The following AKT2 variants were observed in gnomAD, a reference collection of about 807,000 sequenced individuals.
AKT2 encodes AKT serine/threonine kinase 2.
Under a neutral mutation model 58.6 loss-of-function variants are expected in AKT2, and 16 were observed. That is an observed-to-expected ratio of 0.27 (90% CI 0.18 to 0.41). AKT2 has a LOEUF of 0.41. AKT2 is among the 10% of genes least tolerant of loss of function. The pLI is 1.00. For synonymous variants in AKT2, 253 were observed against 254.0 expected (o/e 1.00, Z 0.04); for missense variants, 438 against 661.0 (o/e 0.66, Z 3.70).
At position 40,234,373 on chromosome 19, in the gene AKT2, C is replaced by T. The variant is rs1270570226; in HGVS notation, c.1367-422G>A. 1.7e-5 allele frequency: 4 copies of T among 230,140 alleles called. No homozygotes were observed. The highest frequency in any genetic ancestry group is 2.1e-4 in the South Asian group (2 of 9,636). The allele number at this position is 230,140 out of a possible 1,614,324, so 14.3% of individuals were successfully genotyped here. On this transcript the variant is annotated intron_variant, in intron 13 of 13. Transcript: ENST00000392038. The surrounding 1 kb of genome is among the most constrained non-coding windows in gnomAD (Gnocchi z 4.7). ...ATGAAACCCTTCCATGGCTGGCTCC[C>T]GCCATGCAAGCAGTCCCCACCCCTC...
rs369728131 is a variant in AKT2, at chr19:40,284,941, C to A, written c.-85+240G>T. The A allele has an allele frequency of 2.7e-5, 9 of 336,080 alleles. 1 individual carries two copies. Among genetic ancestry groups the A allele is most frequent in the African/African-American group, 1.9e-4 (9 of 46,796 alleles). 20.8% of individuals were successfully genotyped at this position (336,080 alleles called of 1,614,324 possible). ...ACGCTGCGGCCTGCGCTCCCCGTCC[C>A]GCAAACTTGCAGCGCTCCCCCCACC... On this transcript the variant is annotated intron_variant, in intron 1 of 13. Transcript: ENST00000392038.
At chr19:40,255,431 AG>A (rs1007054690) in intron 3 of AKT2, 162 bp from the exon 4 acceptor site, 12 of 597,058 alleles carry the variant, frequency 2.0e-5, no homozygotes, top group Admixed American at 2.0e-4. Context: ...CACAGGGCTC[AG>A]GGTCTAGTGT....
chr19:40,256,548 T>G (rs1355257564), intron 3 of AKT2, among the ~76,000 whole-genome samples: 1 of 151,942 alleles, frequency 6.6e-6, no homozygotes, highest in Non-Finnish European at 1.5e-5. Flanking sequence ...ACCAGCTGAG[T>G]GGGAAGCTGT....
chr19:40,264,602 C>G (rs1976204854), intron 2 of AKT2, among the ~76,000 whole-genome samples: 1 of 152,138 alleles, frequency 6.6e-6, no homozygotes, highest in Non-Finnish European at 1.5e-5. Context: ...CACCTGGGAG[C>G]CTCTGTCCTT....
intron 1 of AKT2, 111 bp from the exon 2 acceptor site, chr19:40,265,462 G>A: frequency 7.0e-7 from 1 of 1,421,354 alleles, no homozygotes. Flanking sequence ...CTCAGCAAAG[G>A]GTAAGGCCAG....
chr19:40,262,607 G>A (rs547001043), intron 2 of AKT2, among the ~76,000 whole-genome samples: 8 of 152,354 alleles, frequency 5.3e-5, no homozygotes, highest in South Asian at 2.1e-4. Flanking sequence ...GAGGCAGCAC[G>A]TGGGCCAGGC....
chr19:40,238,998 G>T lies in AKT2; in HGVS notation c.640-25C>A, dbSNP rs1409651533. 2.5e-6 allele frequency: 4 copies of T among 1,611,502 alleles called. No homozygotes were observed. The highest frequency in any genetic ancestry group is 3.4e-6 in the Non-Finnish European group (4 of 1,178,006). ...CCTGGGGGATGAAGGCAGCAGGGTG[G>T]GAGGTGGGAGGGAGGAGGGCTCTGC... On this transcript the variant is annotated intron_variant, in intron 7 of 13. Coordinates refer to ENST00000392038, the MANE Select transcript of AKT2 (RefSeq NM_001626.6). This position sits in a 1 kb window ranked among gnomAD's most constrained non-coding sequence, Gnocchi z 5.1.
rs1315192339 is a variant in AKT2, at chr19:40,234,827, C to G, written c.1366+218G>C. ...GGGCTGCCTCCTGCCCTGAGCCCCCCGACTGAGCTCCAGAACGTGCTGCAG... is the reference window on the plus strand; with the variant it reads ...GGGCTGCCTCCTGCCCTGAGCCCCCGGACTGAGCTCCAGAACGTGCTGCAG... On this transcript the variant is annotated intron_variant, in intron 13 of 13. Coordinates refer to ENST00000392038, the MANE Select transcript of AKT2 (RefSeq NM_001626.6). The surrounding 1 kb of genome is among the most constrained non-coding windows in gnomAD (Gnocchi z 4.7). The G allele has an allele frequency of 1.5e-6, 1 of 646,500 alleles. No individual in the cohort carries two copies. Among genetic ancestry groups the G allele is most frequent in the Non-Finnish European group, 2.8e-6 (1 of 357,744 alleles). 40.0% of individuals were successfully genotyped at this position (646,500 alleles called of 1,614,324 possible). A position where few individuals can be genotyped will look rare whatever the true frequency, so the allele number is the denominator to read the frequency against.
At chr19:40,281,190 T>C (rs1361947721) in intron 1 of AKT2, among the ~76,000 whole-genome samples, 4 of 152,136 alleles carry the variant, frequency 2.6e-5, no homozygotes, top group African/African-American at 4.8e-5. Context: ...CCCAGAGCTG[T>C]GAGCTGTGGT....
chr19:40,275,101 C>T (rs966697990), intron 1 of AKT2: 1 of 456,666 alleles, frequency 2.2e-6, no homozygotes, highest in Non-Finnish European at 4.4e-6. Context: ...TCGGTGAATA[C>T]CCACAGCGAG....
chr19:40,249,810 A>G (rs901302211), intron 4 of AKT2, among the ~76,000 whole-genome samples: 2 of 152,244 alleles, frequency 1.3e-5, no homozygotes, highest in African/African-American at 4.8e-5. Context: ...AGATACATAC[A>G]TAAATATAAA....
At chr19:40,256,104 C>T (rs1975523215) in intron 3 of AKT2, among the ~76,000 whole-genome samples, 1 of 152,182 alleles carries the variant, frequency 6.6e-6, no homozygotes. Flanking sequence ...CTTGAAGACA[C>T]TTGGGGAGAT....
At chr19:40,265,443 TTCTGCCCAC>T in intron 1 of AKT2, 92 bp from the exon 2 acceptor site, 1 of 1,486,142 alleles carries the variant, frequency 6.7e-7, no homozygotes. Flanking sequence ...CCTCTGGCTG[TTCTGCCCAC>T]TCAGCAAAGG....
intron 1 of AKT2, among the ~76,000 whole-genome samples, chr19:40,281,487 G>C (rs1267029284): frequency 6.6e-6 from 1 of 151,772 alleles, no homozygotes; most frequent in African/African-American, 2.4e-5. Context: ...GGGAGGCCCT[G>C]TCTCAAAAGA....
rs372563017 is a variant in AKT2, at chr19:40,251,923, A to T, written c.287+3235T>A. ...ATGAAGCAGACACGGTGAATGCGGG[A>T]CTGCAGAGTCTAGGAGTGGGGCGCG... On this transcript the variant is annotated intron_variant, in intron 4 of 13. Transcript: ENST00000392038. Among the ~76,000 whole-genome samples, 16 of 152,356 alleles carry T rather than the reference A, an allele frequency of 1.1e-4. No homozygotes were observed. The South Asian group carries it at 3.1e-3, about 30-fold the overall frequency.
Position 40,235,776 on chromosome 19 carries a change from A to T in AKT2, c.1175+114T>A. ...GGACGTTTTCAGGGGCTGTGTGGGG[A>T]CGACACACTGCGACCCTACAAGCGA... On this transcript the variant is annotated intron_variant, in intron 11 of 13. Coordinates refer to ENST00000392038, the MANE Select transcript of AKT2 (RefSeq NM_001626.6). The surrounding 1 kb of genome is among the most constrained non-coding windows in gnomAD (Gnocchi z 6.3). 1.8e-6 allele frequency: 2 copies of T among 1,116,128 alleles called. No homozygotes were observed. Among genetic ancestry groups the T allele is most frequent in the Non-Finnish European group, 2.5e-6 (2 of 795,990 alleles). The allele number at this position is 1,116,128 out of a possible 1,614,324, so 69.1% of individuals were successfully genotyped here. A position where few individuals can be genotyped will look rare whatever the true frequency, so the allele number is the denominator to read the frequency against.
chr19:40,271,943 G>A (rs924634576), intron 1 of AKT2, among the ~76,000 whole-genome samples: 1 of 152,168 alleles, frequency 6.6e-6, no homozygotes, highest in Non-Finnish European at 1.5e-5. Flanking sequence ...CTGAAATAGG[G>A]AAACCTGGCA....
Position 40,232,038 on chromosome 19 carries a change from C to G in AKT2, c.*1834G>C, listed in dbSNP as rs184160447. The G allele has an allele frequency of 7.3e-5, 17 of 233,644 alleles. No homozygotes were observed. Among genetic ancestry groups the G allele is most frequent in the African/African-American group, 2.9e-4 (13 of 45,424 alleles). 14.5% of individuals were successfully genotyped at this position (233,644 alleles called of 1,614,324 possible). ...GCTACCCAGATCTTCCAGCCCTGTC[C>G]CTCCACCCCACCTCTCTTAGCCTAA... On this transcript the variant is annotated 3_prime_UTR_variant, in exon 14 of 14. Transcript: ENST00000392038.
intron 6 of AKT2, 58 bp downstream of exon 6, chr19:40,241,880 C>G: frequency 6.2e-7 from 1 of 1,611,538 alleles, no homozygotes; most frequent in Non-Finnish European, 8.5e-7. Context: ...GCCTCAGGGT[C>G]AGGCTCCAGA....
Sources: gnomAD v4.1 joint callset for allele counts (sites outside exome capture counted in the v4.1 genomes callset) on GRCh38, gnomAD v4.1.1 for gene constraint, Gnocchi (gnomAD v3.1) non-coding constraint, MANE v1.5 for transcripts, NCBI Gene and HGNC (gene_info 2026-07-23, HGNC 2026-07-21) for gene names.